Variants in MAP7 observed in about 807,000 individuals in gnomAD.
MAP7 encodes ensconsin.
In MAP7, 52 loss-of-function variants were observed where a neutral mutation model predicts 94.8. The observed-to-expected ratio is 0.55, with a 90% CI of 0.44 to 0.69. The LOEUF (loss-of-function observed/expected upper bound fraction) is 0.69. Ranked by LOEUF, MAP7 falls within the 30% of genes least tolerant of loss-of-function variation. The probability of loss-of-function intolerance (pLI) is 0.00; values close to 1 mark genes in which losing one functional copy is unlikely to be tolerated. For missense variants in MAP7, 940 were observed against 964.6 expected, an observed-to-expected ratio of 0.97 and a Z score of 0.34; for synonymous variants, 350 against 357.0, an observed-to-expected ratio of 0.98 and a Z score of 0.22.
chr6:136,415,264 T>A (rs1788999014), intron 2 of MAP7, among the ~76,000 whole-genome samples: 1 of 152,308 alleles, frequency 6.6e-6, no homozygotes, highest in Admixed American at 6.5e-5. Context: ...AAAACTTTTA[T>A]TTAATTATAA....
intron 1 of MAP7, among the ~76,000 whole-genome samples, chr6:136,504,962 G>C (rs998040643): frequency 6.6e-6 from 1 of 152,214 alleles, no homozygotes; most frequent in African/African-American, 2.4e-5. Context: ...TTACAGGCAT[G>C]AGCCACCATG....
chr6:136,452,485 T>C (rs942444955), intron 1 of MAP7, among the ~76,000 whole-genome samples: 6 of 152,236 alleles, frequency 3.9e-5, no homozygotes, highest in Non-Finnish European at 8.8e-5. Context: ...TCAACTTCAC[T>C]GCTGTCTTAA....
chr6:136,372,486 C>T lies in MAP7; in HGVS notation c.876+15G>A. 6.2e-7 allele frequency: 1 copy of T among 1,613,606 alleles called. No individual in the cohort carries two copies. The highest frequency in any genetic ancestry group is 8.5e-7 in the Non-Finnish European group (1 of 1,179,904). ...GGCTCCCAGACTTGCCCAGCTGCTCCCAACAGCTACTCACCGCTGTGCCAT... is the reference window on the plus strand; with the variant it reads ...GGCTCCCAGACTTGCCCAGCTGCTCTCAACAGCTACTCACCGCTGTGCCAT... On this transcript the variant is annotated intron_variant, in intron 8 of 17. Coordinates refer to ENST00000354570, the MANE Select transcript of MAP7 (RefSeq NM_003980.6).
chr6:136,514,365 A>C (rs1001540470), intron 1 of MAP7, among the ~76,000 whole-genome samples: 1 of 151,372 alleles, frequency 6.6e-6, no homozygotes, highest in East Asian at 1.9e-4. Flanking sequence ...CAAGCAGATC[A>C]CCTGAGGTCA....
chr6:136,483,073 T>C (rs1470145932), intron 1 of MAP7, among the ~76,000 whole-genome samples: 1 of 150,622 alleles, frequency 6.6e-6, no homozygotes, highest in Non-Finnish European at 1.5e-5. Flanking sequence ...TTTGTTTTAG[T>C]TGTATATATA....
intron 2 of MAP7, among the ~76,000 whole-genome samples, chr6:136,417,899 G>C (rs1790035417): frequency 6.6e-6 from 1 of 152,164 alleles, no homozygotes; most frequent in Non-Finnish European, 1.5e-5. Context: ...TGTGTTGGGG[G>C]GCAGCAAAGG....
chr6:136,410,571 C>A (rs1787129553), intron 3 of MAP7, among the ~76,000 whole-genome samples: 1 of 152,180 alleles, frequency 6.6e-6, no homozygotes, highest in African/African-American at 2.4e-5. Context: ...ATGTTCACTT[C>A]CAGTAAGCAA....
intron 2 of MAP7, 51 bp downstream of exon 2, chr6:136,421,650 G>T: frequency 6.8e-7 from 1 of 1,478,642 alleles, no homozygotes; most frequent in South Asian, 1.1e-5. Context: ...CATGCCTTTA[G>T]GGCATAAAAG....
At chr6:136,369,533 A>G (rs748505553) in intron 8 of MAP7, among the ~76,000 whole-genome samples, 3 of 151,522 alleles carry the variant, frequency 2.0e-5, no homozygotes, top group African/African-American at 7.3e-5. Context: ...AGATTGTGCC[A>G]TTGTACTCCA....
chr6:136,377,420 T>G (rs1315008295), intron 7 of MAP7, among the ~76,000 whole-genome samples: 1 of 152,218 alleles, frequency 6.6e-6, no homozygotes, highest in Non-Finnish European at 1.5e-5. Context: ...GTTAAATTAT[T>G]TCTACCTTGG....
chr6:136,428,344 C>T (rs576346073), intron 1 of MAP7, among the ~76,000 whole-genome samples: 4 of 152,180 alleles, frequency 2.6e-5, no homozygotes, highest in African/African-American at 4.8e-5. Context: ...GGTGAAACCT[C>T]GTCCCTACTA....
intron 3 of MAP7, among the ~76,000 whole-genome samples, chr6:136,409,264 A>C (rs1196712241): frequency 6.6e-6 from 1 of 152,172 alleles, no homozygotes; most frequent in East Asian, 1.9e-4. Flanking sequence ...GTGAGTCTGT[A>C]ATGCCAGCTA....
intron 1 of MAP7, among the ~76,000 whole-genome samples, chr6:136,537,652 C>T (rs1435717041): frequency 6.6e-6 from 1 of 152,130 alleles, no homozygotes; most frequent in Non-Finnish European, 1.5e-5. Flanking sequence ...TCAAAGGTGG[C>T]ATCAGGAACA....
intron 1 of MAP7, among the ~76,000 whole-genome samples, chr6:136,542,916 T>C (rs531901764): frequency 5.9e-5 from 9 of 152,300 alleles, no homozygotes; most frequent in Non-Finnish European, 1.0e-4. Flanking sequence ...CTCAAAGAAC[T>C]TGGTGGAATG....
chr6:136,345,845 G>A lies in MAP7; in HGVS notation c.2239+11C>T. On this transcript the variant is annotated intron_variant, in intron 17 of 17. Transcript: ENST00000354570. ...CTGATGACTACAGAAGGGAGTTGGA[G>A]GCAAGCTTACCTGCAGTCTGCTGTG... 5 of 1,608,848 alleles carry A rather than the reference G, an allele frequency of 3.1e-6. No homozygotes were observed. Among genetic ancestry groups the A allele is most frequent in the Non-Finnish European group, 4.3e-6 (5 of 1,175,170 alleles).
intron 1 of MAP7, chr6:136,526,435 A>T (rs1827896146): frequency 1.0e-6 from 1 of 987,384 alleles, no homozygotes; most frequent in African/African-American, 1.7e-5. Flanking sequence ...CACACAGTAA[A>T]ATATTCAGCC....
At chr6:136,356,125 C>T (rs1033799435) in intron 16 of MAP7, among the ~76,000 whole-genome samples, 1 of 152,170 alleles carries the variant, frequency 6.6e-6, no homozygotes, top group African/African-American at 2.4e-5. Context: ...TGGTCCATAT[C>T]AGGCTAAATA....
chr6:136,393,794 CA>C (rs1420685113), intron 3 of MAP7, among the ~76,000 whole-genome samples: 82 of 122,594 alleles, frequency 6.7e-4, no homozygotes, highest in African/African-American at 2.2e-3. Flanking sequence ...CCACATTCAG[CA>C]AAATTTTTTT....
intron 4 of MAP7, 118 bp from the exon 5 acceptor site, chr6:136,388,628 C>T: frequency 1.3e-6 from 1 of 774,244 alleles, no homozygotes; most frequent in Non-Finnish European, 2.2e-6. Context: ...TATTCTTGAT[C>T]TCTAGCTGAA....
Sources: gnomAD v4.1 joint callset for allele counts (sites outside exome capture counted in the v4.1 genomes callset) on GRCh38, gnomAD v4.1.1 for gene constraint, MANE v1.5 for transcripts, NCBI Gene and HGNC (gene_info 2026-07-23, HGNC 2026-07-21) for gene names.